The following KCNN2 variants were observed in gnomAD, a reference collection of about 807,000 sequenced individuals.
The protein encoded by KCNN2 is potassium calcium-activated channel subfamily N member 2.
KCNN2 carries 24 observed loss-of-function variants against 55.5 expected under a neutral mutation model. The ratio of observed to expected loss-of-function variants is 0.43; its 90% CI spans 0.31 to 0.61. The LOEUF (loss-of-function observed/expected upper bound fraction) is 0.61, where lower values mean the gene tolerates loss of function less well. Among genes scored for constraint, KCNN2 ranks in the 20% least tolerant of loss-of-function variants. The pLI is 0.08. For missense variants in KCNN2, 754 were observed against 853.6 expected (o/e 0.88, Z 1.45); for synonymous variants, 431 against 336.1 (o/e 1.28, Z -3.09).
At chr5:114,435,552 G>A (rs1248556138) in intron 3 of KCNN2, among the ~76,000 whole-genome samples, 1 of 151,816 alleles carries the variant, frequency 6.6e-6, no homozygotes, top group African/African-American at 2.4e-5. Flanking sequence ...TTTGAAAGCA[G>A]GAGAAAATCC....
intron 2 of KCNN2, among the ~76,000 whole-genome samples, chr5:114,291,876 T>A (rs1217667927): frequency 6.6e-6 from 1 of 152,090 alleles, no homozygotes; most frequent in South Asian, 2.1e-4. Context: ...TTTTAATGAT[T>A]GCCATTCTAA....
At chr5:114,178,493 T>G (rs932751692) in intron 1 of KCNN2, among the ~76,000 whole-genome samples, 1 of 152,212 alleles carries the variant, frequency 6.6e-6, no homozygotes, top group African/African-American at 2.4e-5. Context: ...GTTGGAAGAT[T>G]ATCAGAAACT....
At chr5:114,424,299 C>G (rs771122174) in intron 3 of KCNN2, among the ~76,000 whole-genome samples, 4 of 152,166 alleles carry the variant, frequency 2.6e-5, no homozygotes, top group African/African-American at 4.8e-5. Context: ...GGGAGATGAG[C>G]ACACATCAGA....
At chr5:114,492,548 G>T (rs959690875) in intron 6 of KCNN2, among the ~76,000 whole-genome samples, 21 of 152,028 alleles carry the variant, frequency 1.4e-4, no homozygotes, top group African/African-American at 5.1e-4. Flanking sequence ...AATATTTGTT[G>T]AAAAATAATA....
At chr5:114,173,674 C>A (rs545096366) in intron 1 of KCNN2, among the ~76,000 whole-genome samples, 1 of 151,194 alleles carries the variant, frequency 6.6e-6, no homozygotes, top group Non-Finnish European at 1.5e-5. Context: ...TTTTCATCAG[C>A]GTTTTGTATT....
chr5:114,154,178 G>C (rs891485401), intron 1 of KCNN2, among the ~76,000 whole-genome samples: 5 of 152,116 alleles, frequency 3.3e-5, no homozygotes, highest in Non-Finnish European at 5.9e-5. Context: ...AGGTCACTGA[G>C]TTATGGGAGT....
chr5:114,168,409 G>A (rs1021462248), intron 1 of KCNN2, among the ~76,000 whole-genome samples: 8 of 151,844 alleles, frequency 5.3e-5, no homozygotes, highest in African/African-American at 1.7e-4. Flanking sequence ...ATAAATCTCC[G>A]GTTGGTTAAG....
chr5:114,096,042 C>T (rs1467913194), intron 1 of KCNN2, among the ~76,000 whole-genome samples: 2 of 152,116 alleles, frequency 1.3e-5, no homozygotes, highest in African/African-American at 4.8e-5. Flanking sequence ...TTGAAGTCCC[C>T]TGGGGACTGA....
chr5:114,493,870 A>G (rs1038133427), intron 7 of KCNN2, among the ~76,000 whole-genome samples: 1 of 152,148 alleles, frequency 6.6e-6, no homozygotes, highest in African/African-American at 2.4e-5. Context: ...TGTCCTATGT[A>G]TTTTAAGCAA....
At chr5:114,361,562 G>T (rs1172940385), upstream of KCNN2, among the ~76,000 whole-genome samples, 1 of 152,198 alleles carries the variant, frequency 6.6e-6, no homozygotes, top group East Asian at 1.9e-4. Context: ...AGAAGCGGGC[G>T]TGGGACGAGG....
intron 2 of KCNN2, among the ~76,000 whole-genome samples, chr5:114,380,768 T>C (rs1022791335): frequency 2.0e-5 from 3 of 152,110 alleles, no homozygotes; most frequent in African/African-American, 7.2e-5. Context: ...GGGGGGCAGT[T>C]AGGGTGGGAG....
At chr5:114,345,060 G>A (rs927151928) in intron 2 of KCNN2, among the ~76,000 whole-genome samples, 14 of 152,030 alleles carry the variant, frequency 9.2e-5, no homozygotes, top group South Asian at 2.1e-4. Flanking sequence ...GCAAAACACT[G>A]GAAACAACTT....
chr5:114,202,567 GTA>G (rs1314767935), intron 1 of KCNN2, among the ~76,000 whole-genome samples: 65 of 93,656 alleles, frequency 6.9e-4, no homozygotes, highest in African/African-American at 2.4e-3. Context: ...ATATGTGTGT[GTA>G]TATATATATA....
intron 3 of KCNN2, among the ~76,000 whole-genome samples, chr5:114,442,983 A>T (rs1289875831): frequency 6.7e-6 from 1 of 148,598 alleles, no homozygotes; most frequent in Non-Finnish European, 1.5e-5. Flanking sequence ...TGTTTTTTTC[A>T]CAAAGGAGTG....
upstream of KCNN2, among the ~76,000 whole-genome samples, chr5:114,357,884 C>T (rs1218067831): frequency 1.3e-5 from 2 of 151,516 alleles, no homozygotes; most frequent in Non-Finnish European, 2.9e-5. Context: ...CACTGACTTC[C>T]ACAATGGTTG....
chr5:114,075,536 A>C (rs1750668152), intron 1 of KCNN2, among the ~76,000 whole-genome samples: 1 of 152,246 alleles, frequency 6.6e-6, no homozygotes, highest in Admixed American at 6.5e-5. Context: ...TGAACCTGGA[A>C]ATAAAAATGT....
intron 1 of KCNN2, among the ~76,000 whole-genome samples, chr5:114,176,773 G>A (rs185721307): frequency 6.6e-6 from 1 of 152,250 alleles, no homozygotes; most frequent in East Asian, 1.9e-4. Flanking sequence ...AGGGATATTA[G>A]ATACAGAACT....
At chr5:114,426,769 A>G (rs1759637426) in intron 3 of KCNN2, among the ~76,000 whole-genome samples, 2 of 152,220 alleles carry the variant, frequency 1.3e-5, no homozygotes, top group East Asian at 1.9e-4. Context: ...ATGGTATCAT[A>G]TAGGGGAGGG....
chr5:114,168,178 C>T lies in KCNN2; in HGVS notation c.-270-53302C>T, dbSNP rs985909655. ...TCATATATATGTGGATATATATACACACACACACACACACACACACACAAC... is the reference window on the plus strand; with the variant it reads ...TCATATATATGTGGATATATATACATACACACACACACACACACACACAAC... On this transcript the variant is annotated intron_variant, in intron 1 of 10. Coordinates refer to the KCNN2 transcript ENST00000512097. Among the ~76,000 whole-genome samples the T allele has an allele frequency of 7.4e-4, 108 of 146,766 alleles. No homozygotes were observed. The East Asian group carries it at 0.014, about 19-fold the overall frequency.
Sources: allele counts gnomAD v4.1 joint callset (sites outside exome capture counted in the v4.1 genomes callset), GRCh38; gene constraint gnomAD v4.1.1; transcripts MANE v1.5; gene names NCBI Gene and HGNC (gene_info 2026-07-23, HGNC 2026-07-21).